USP54: variants seen among roughly 807,000 people sequenced by gnomAD.
USP54 encodes the protein ubiquitin specific peptidase 54.
USP54 carries 87 observed loss-of-function variants against 170.5 expected under a neutral mutation model. The ratio of observed to expected loss-of-function variants is 0.51; its 90% CI spans 0.43 to 0.61. USP54 has a LOEUF of 0.61. Ranked by LOEUF, USP54 falls within the 20% of genes least tolerant of loss-of-function variation. USP54 has a pLI of 0.00. For missense variants in USP54, 1,786 were observed against 2,047.8 expected (o/e 0.87, Z 2.47); for synonymous variants, 655 against 742.8 (o/e 0.88, Z 1.92).
At chr10:73,524,066 C>T (rs930868536) in intron 16 of USP54, among the ~76,000 whole-genome samples, 2 of 150,350 alleles carry the variant, frequency 1.3e-5, no homozygotes, top group Non-Finnish European at 3.0e-5. Context: ...TGCCACCAAG[C>T]CCAGCTAATT....
chr10:73,516,361 G>T lies in USP54; in HGVS notation c.4051+14C>A. On this transcript the variant is annotated intron_variant, in intron 20 of 23. Transcript: ENST00000687698. ...ATCCTCCCCCCTCCCCCCAACCCCT[G>T]GTTGCATTCTTACCTGTTTGGCTAA... 6.3e-7 allele frequency: 1 copy of T among 1,588,856 alleles called. No individual in the cohort carries two copies. The highest frequency in any genetic ancestry group is 8.6e-7 in the Non-Finnish European group (1 of 1,168,180).
intron 1 of USP54, among the ~76,000 whole-genome samples, chr10:73,622,462 T>C (rs1452228377): frequency 6.6e-6 from 1 of 152,022 alleles, no homozygotes; most frequent in Non-Finnish European, 1.5e-5. Context: ...TGGCTGGAAT[T>C]ACTGGCAGGC....
intron 4 of USP54, among the ~76,000 whole-genome samples, chr10:73,566,332 C>T (rs533270879): frequency 3.3e-4 from 50 of 152,256 alleles, no homozygotes; most frequent in African/African-American, 1.2e-3. Context: ...AGCTAAGAAA[C>T]ACACACAAAA....
chr10:73,613,514 C>T (rs980336295), intron 1 of USP54, among the ~76,000 whole-genome samples: 14 of 151,520 alleles, frequency 9.2e-5, no homozygotes, highest in Admixed American at 5.9e-4. Flanking sequence ...AGATTCAAAA[C>T]GTCAAAATAA....
At chr10:73,610,285 G>A (rs1008881880) in intron 1 of USP54, among the ~76,000 whole-genome samples, 1 of 152,130 alleles carries the variant, frequency 6.6e-6, no homozygotes, top group East Asian at 1.9e-4. Flanking sequence ...TTTCTTCCAA[G>A]ACTTAATAAT....
chr10:73,549,581 C>T (rs56113153), intron 4 of USP54, among the ~76,000 whole-genome samples: 3,673 of 152,260 alleles, frequency 0.024, 156 homozygotes, highest in African/African-American at 0.082. Flanking sequence ...AACTCCCATC[C>T]AATCTACAGG....
intron 4 of USP54, among the ~76,000 whole-genome samples, chr10:73,566,992 T>C (rs1451144521): frequency 6.6e-6 from 1 of 151,884 alleles, no homozygotes; most frequent in Non-Finnish European, 1.5e-5. Context: ...TTCTCATACC[T>C]CAGCCTCCTG....
chr10:73,571,421 C>A lies in USP54; in HGVS notation c.240G>T (p.Lys80Asn). The change falls in exon 4 of 24, where the codon AAG (lysine) becomes AAT (asparagine). Residue 80 changes from lysine to asparagine, a missense_variant and splice_region_variant. This residue lies in a region of USP54 where 361 missense variants were observed against 455.0 expected (regional missense o/e 0.79). Coordinates refer to ENST00000687698, the MANE Select transcript of USP54 (RefSeq NM_001391956.1). ...MGDSCIFCAL[K>N]GIFNQFQCSS... The stretch of plus-strand genomic sequence containing the variant: ...GAAGAAACTAATTGGAAGTACTTAC[C>A]TTGAGAGCGCAAAAGATGCAGGAAT... 1 of 1,612,982 alleles carries A rather than the reference C, an allele frequency of 6.2e-7. No homozygotes were observed. The highest frequency in any genetic ancestry group is 8.5e-7 in the Non-Finnish European group (1 of 1,179,414).
chr10:73,544,012 G>A (rs1489833052), intron 5 of USP54, among the ~76,000 whole-genome samples: 4 of 150,986 alleles, frequency 2.6e-5, no homozygotes, highest in Admixed American at 6.6e-5. Flanking sequence ...GAGCGATCTC[G>A]GCTCACTGCA....
chr10:73,601,702 G>T (rs542212676), intron 1 of USP54, among the ~76,000 whole-genome samples: 5 of 152,190 alleles, frequency 3.3e-5, no homozygotes, highest in Non-Finnish European at 7.4e-5. Flanking sequence ...GCAGATCTTT[G>T]TATGTTTAAA....
chr10:73,623,933 C>T (rs952253192), intron 1 of USP54, among the ~76,000 whole-genome samples: 2 of 151,790 alleles, frequency 1.3e-5, no homozygotes, highest in African/African-American at 4.8e-5. Context: ...ATGCCTTACA[C>T]AGTACTTTAC....
chr10:73,522,271 C>T (rs945128055), intron 17 of USP54, among the ~76,000 whole-genome samples: 1 of 152,242 alleles, frequency 6.6e-6, no homozygotes, highest in Non-Finnish European at 1.5e-5. Context: ...TATTTGTAAT[C>T]AACTAAATGT....
Position 73,530,686 on chromosome 10 carries a change from C to G in USP54, c.1447+18G>C, listed in dbSNP as rs2063791954. On this transcript the variant is annotated intron_variant, in intron 13 of 23. Coordinates refer to ENST00000687698, the MANE Select transcript of USP54 (RefSeq NM_001391956.1). ...AGAGTGAATGAAGGAGAAAGAGAAG[C>G]AGTGCAGAAGGGCTTGCCTTCACTG... The G allele has an allele frequency of 6.2e-7, 1 of 1,612,112 alleles. No homozygotes were observed. Among genetic ancestry groups the G allele is most frequent in the Admixed American group, 1.7e-5 (1 of 59,426 alleles).
intron 4 of USP54, among the ~76,000 whole-genome samples, chr10:73,559,519 C>T (rs1326504432): frequency 1.3e-5 from 2 of 149,504 alleles, no homozygotes; most frequent in African/African-American, 5.0e-5. Flanking sequence ...TAGATTGCGC[C>T]ATTGCACTCC....
intron 1 of USP54, among the ~76,000 whole-genome samples, chr10:73,585,008 C>T (rs936325181): frequency 3.3e-5 from 5 of 152,216 alleles, no homozygotes; most frequent in African/African-American, 4.8e-5. Context: ...ACACATTCCA[C>T]ACCATGTCAC....
upstream of USP54, among the ~76,000 whole-genome samples, chr10:73,595,278 G>A (rs2078637704): frequency 6.6e-6 from 1 of 152,172 alleles, no homozygotes; most frequent in Non-Finnish European, 1.5e-5. Flanking sequence ...CTGGAGTGCA[G>A]TGGCTAGTCA....
chr10:73,615,721 G>T (rs554494852), intron 1 of USP54, among the ~76,000 whole-genome samples: 1 of 149,750 alleles, frequency 6.7e-6, no homozygotes, highest in Non-Finnish European at 1.5e-5. Flanking sequence ...AGGAATTCTA[G>T]AATAGCCTGG....
intron 1 of USP54, among the ~76,000 whole-genome samples, chr10:73,611,874 C>T (rs990782674): frequency 2.6e-5 from 4 of 151,912 alleles, no homozygotes; most frequent in South Asian, 2.1e-4. Flanking sequence ...ATTTGGGAGA[C>T]GAGGCAGGCA....
At chr10:73,522,061 C>T (rs1006134979) in intron 17 of USP54, among the ~76,000 whole-genome samples, 1 of 152,196 alleles carries the variant, frequency 6.6e-6, no homozygotes, top group African/African-American at 2.4e-5. Flanking sequence ...CCCTCATCCT[C>T]CACTTACCTC....
Sources: gnomAD v4.1 joint callset for allele counts (sites outside exome capture counted in the v4.1 genomes callset) on GRCh38, gnomAD v4.1.1 for gene constraint, gnomAD v4.1.1 regional missense constraint, MANE v1.5 for transcripts, NCBI Gene and HGNC (gene_info 2026-07-23, HGNC 2026-07-21) for gene names.